The following ARPC2 variants were observed in gnomAD, a reference collection of about 807,000 sequenced individuals.
ARPC2 encodes the protein actin-related protein 2/3 complex subunit 2.
In ARPC2, 4 loss-of-function variants were observed where a neutral mutation model predicts 38.6. The ratio of observed to expected loss-of-function variants is 0.10; its 90% CI spans 0.05 to 0.24. The LOEUF (loss-of-function observed/expected upper bound fraction) is 0.24, where lower values mean the gene tolerates loss of function less well. Among genes scored for constraint, ARPC2 ranks in the 10% least tolerant of loss-of-function variants. The pLI is 1.00. For missense variants in ARPC2, 229 were observed against 387.3 expected, an observed-to-expected ratio of 0.59 and a Z score of 3.43; for synonymous variants, 125 against 140.8, an observed-to-expected ratio of 0.89 and a Z score of 0.79.
Position 218,217,560 on chromosome 2 carries a change from G to A in ARPC2, c.74+16G>A. Reference sequence around the variant, plus strand: ...CGGCCGCCGGGTGAGCGCGCGCCCGGGGCCGGGGGTGGCGGGGGAAGCAGA... The same window carrying A: ...CGGCCGCCGGGTGAGCGCGCGCCCGAGGCCGGGGGTGGCGGGGGAAGCAGA... On this transcript the variant is annotated intron_variant, in intron 2 of 10. Coordinates refer to ENST00000315717, the MANE Select transcript of ARPC2 (RefSeq NM_152862.3). 1 of 1,607,046 alleles carries A rather than the reference G, an allele frequency of 6.2e-7. No homozygotes were observed. Among genetic ancestry groups the A allele is most frequent in the Non-Finnish European group, 8.5e-7 (1 of 1,176,540 alleles).
intron 5 of ARPC2, chr2:218,235,461 C>T (rs1267281507): frequency 6.6e-6 from 1 of 151,724 alleles, no homozygotes; most frequent in Non-Finnish European, 1.5e-5. Flanking sequence ...GCCTCCGCCT[C>T]CCAGAGAGTT....
intron 10 of ARPC2, among the ~76,000 whole-genome samples, chr2:218,253,532 T>C (rs1179597331): frequency 6.6e-6 from 1 of 152,156 alleles, no homozygotes; most frequent in Non-Finnish European, 1.5e-5. Flanking sequence ...AGCTGACAAA[T>C]GAGGTAGTAC....
intron 8 of ARPC2, 105 bp downstream of exon 8, chr2:218,245,651 G>T (rs755886749): frequency 2.2e-5 from 32 of 1,468,620 alleles, no homozygotes; most frequent in Non-Finnish European, 2.6e-5. Flanking sequence ...GTAGGCAAAC[G>T]CAGGCATACC....
intron 10 of ARPC2, 45 bp from the exon 11 acceptor site, chr2:218,253,846 A>G (rs750754615): frequency 3.7e-6 from 6 of 1,609,252 alleles, no homozygotes; most frequent in Middle Eastern, 1.7e-4. Context: ...GTGGGAGGAA[A>G]GGGCAGCCAG....
At chr2:218,221,991 G>A (rs1001232290) in intron 2 of ARPC2, among the ~76,000 whole-genome samples, 1 of 152,198 alleles carries the variant, frequency 6.6e-6, no homozygotes, top group Non-Finnish European at 1.5e-5. Flanking sequence ...ATTGGGGCCA[G>A]GCACCCTGGC....
intron 2 of ARPC2, among the ~76,000 whole-genome samples, chr2:218,222,660 A>G (rs760124320): frequency 4.6e-5 from 7 of 152,110 alleles, no homozygotes; most frequent in Non-Finnish European, 1.0e-4. Flanking sequence ...ACCTCTCCCA[A>G]CCACAGCTTC....
chr2:218,217,404 C>T (rs1007474788), intron 1 of ARPC2, 59 bp from the exon 2 acceptor site: 6 of 1,545,632 alleles, frequency 3.9e-6, no homozygotes, highest in East Asian at 4.5e-5. Flanking sequence ...CCGCTCCCTC[C>T]GTCCTTGCCT....
chr2:218,233,166 A>G (rs929567996), intron 4 of ARPC2: 11 of 152,016 alleles, frequency 7.2e-5, no homozygotes, highest in African/African-American at 2.7e-4. Context: ...TTCCAAAACA[A>G]TAATAATAAT....
chr2:218,244,233 C>G (rs1689979203), intron 7 of ARPC2, among the ~76,000 whole-genome samples: 1 of 152,126 alleles, frequency 6.6e-6, no homozygotes, highest in South Asian at 2.1e-4. Context: ...CTACTTAAAG[C>G]TTGGTAGTGT....
intron 2 of ARPC2, among the ~76,000 whole-genome samples, chr2:218,225,581 T>C (rs1053104314): frequency 6.6e-6 from 1 of 152,242 alleles, no homozygotes; most frequent in Non-Finnish European, 1.5e-5. Context: ...GGGGAAGGCA[T>C]TGACCAAAAG....
chr2:218,247,860 G>A (rs544919110), intron 8 of ARPC2, among the ~76,000 whole-genome samples: 1 of 151,878 alleles, frequency 6.6e-6, no homozygotes, highest in African/African-American at 2.4e-5. Flanking sequence ...GGAGAATGGC[G>A]TGAACCTGGG....
At chr2:218,240,318 CA>C (rs1689883249) in intron 7 of ARPC2, among the ~76,000 whole-genome samples, 1 of 152,164 alleles carries the variant, frequency 6.6e-6, no homozygotes, top group Non-Finnish European at 1.5e-5. Context: ...GAGAATTAAA[CA>C]TACTAACTAT....
intron 3 of ARPC2, among the ~76,000 whole-genome samples, chr2:218,227,349 G>A (rs1374038894): frequency 1.3e-5 from 2 of 152,196 alleles, no homozygotes; most frequent in Non-Finnish European, 2.9e-5. Flanking sequence ...GATATTGTTT[G>A]CATCTTAATT....
intron 5 of ARPC2, 111 bp from the exon 6 acceptor site, chr2:218,238,553 C>T (rs1357138993): frequency 2.5e-6 from 2 of 794,802 alleles, no homozygotes; most frequent in East Asian, 2.6e-5. Flanking sequence ...TTTTAGTTGC[C>T]TCTAGTCTCT....
At chr2:218,241,610 C>T (rs984563081) in intron 7 of ARPC2, among the ~76,000 whole-genome samples, 1 of 152,168 alleles carries the variant, frequency 6.6e-6, no homozygotes, top group African/African-American at 2.4e-5. Flanking sequence ...TTCCAGGAAA[C>T]AACTTATTTT....
At position 218,225,915 on chromosome 2, in the gene ARPC2, T is replaced by C. The variant is rs572566257; in HGVS notation, c.75-5T>C. On this transcript the variant is annotated splice_region_variant and splice_polypyrimidine_tract_variant and intron_variant, in intron 2 of 10. Transcript: ENST00000315717. ...TTAACTGAGGACCTTTTTTGTTGTT[T>C]ACAGAAACAAACCGGAAGCAGTAGA... 3.7e-6 allele frequency: 6 copies of C among 1,613,662 alleles called. No homozygotes were observed. The African/African-American group carries it at 5.3e-5, about 14-fold the overall frequency.
intron 8 of ARPC2, among the ~76,000 whole-genome samples, chr2:218,246,278 T>C (rs1163778576): frequency 1.3e-5 from 2 of 149,974 alleles, no homozygotes; most frequent in East Asian, 3.9e-4. Context: ...ATCCTAGCAC[T>C]GTGGGAGGCC....
rs754546600 is a variant in ARPC2 at position 218,228,833 on chromosome 2, G to T, written c.205G>T (p.Ala69Ser). The change falls in exon 4 of 11, where the codon GCA becomes TCA. Residue 69 changes from alanine to serine, a missense_variant. By Grantham distance (99) the Ala-to-Ser change is moderately conservative. Transcript: ENST00000315717. ...TTTGAAATTCTACAAGGAACTTCAG[G>T]CACATGGTGCTGATGAGGTAAGATC... is the stretch of plus-strand genomic sequence containing the variant. ...ISLKFYKELQ[A>S]HGADELLKRV... 6.3e-7 allele frequency: 1 copy of T among 1,596,554 alleles called. No individual in the cohort carries two copies. The highest frequency in any genetic ancestry group is 8.6e-7 in the Non-Finnish European group (1 of 1,164,188).
chr2:218,230,370 A>T (rs1574580632), intron 4 of ARPC2, among the ~76,000 whole-genome samples: 1 of 111,560 alleles, frequency 9.0e-6, no homozygotes. Flanking sequence ...CAGCCACTGC[A>T]CCCCTCAACC....
Sources: allele counts gnomAD v4.1 joint callset (sites outside exome capture counted in the v4.1 genomes callset), GRCh38; gene constraint gnomAD v4.1.1; transcripts MANE v1.5; gene names NCBI Gene and HGNC (gene_info 2026-07-23, HGNC 2026-07-21).